Variants in NCALD observed in about 807,000 individuals in gnomAD.
The protein encoded by NCALD is neurocalcin-delta.
A neutral mutation model predicts 18.6 loss-of-function variants in NCALD; 10 were observed. The ratio of observed to expected loss-of-function variants is 0.54; its 90% CI spans 0.33 to 0.91. NCALD has a LOEUF of 0.91. Ranked by LOEUF, NCALD falls within the 40% of genes least tolerant of loss-of-function variation. The pLI is 0.03. For missense variants in NCALD, 184 were observed against 247.6 expected, an observed-to-expected ratio of 0.74 and a Z score of 1.72; for synonymous variants, 88 against 87.4, an observed-to-expected ratio of 1.01 and a Z score of -0.04.
At chr8:102,041,544 C>A (rs1429412424) in intron 1 of NCALD, among the ~76,000 whole-genome samples, 7 of 152,206 alleles carry the variant, frequency 4.6e-5, no homozygotes. Flanking sequence ...CCCAACACAA[C>A]CCCCACAGTG....
intron 1 of NCALD, among the ~76,000 whole-genome samples, chr8:101,768,202 A>G (rs1811429111): frequency 6.6e-6 from 1 of 152,206 alleles, no homozygotes; most frequent in Non-Finnish European, 1.5e-5. Context: ...TTACATTTGC[A>G]AGACTCTGGT....
chr8:101,815,997 AG>A (rs1813480871), intron 4 of NCALD, among the ~76,000 whole-genome samples: 1 of 152,182 alleles, frequency 6.6e-6, no homozygotes, highest in Admixed American at 6.6e-5. Context: ...AAAGACAGGG[AG>A]GGTCCTTAAA....
chr8:101,719,698 GC>G, intron 1 of NCALD, 50 bp from the exon 2 acceptor site: 1 of 1,455,886 alleles, frequency 6.9e-7, no homozygotes, highest in South Asian at 1.4e-5. Context: ...GCTCTTTAGG[GC>G]TGCATTTTAT....
chr8:102,104,868 G>T (rs1177420521), intron 1 of NCALD, among the ~76,000 whole-genome samples: 2 of 152,176 alleles, frequency 1.3e-5, no homozygotes, highest in African/African-American at 4.8e-5. Context: ...TGCCATGTTT[G>T]GTTGAACAAT....
chr8:101,878,656 A>G (rs749192565), intron 4 of NCALD, among the ~76,000 whole-genome samples: 19 of 152,386 alleles, frequency 1.2e-4, no homozygotes, highest in Middle Eastern at 3.4e-3. Context: ...TACCAGCACC[A>G]AGAAGCTAAC....
chr8:102,102,469 A>G (rs1825316914), intron 1 of NCALD, among the ~76,000 whole-genome samples: 1 of 152,210 alleles, frequency 6.6e-6, no homozygotes. Context: ...TGGCAGGGAC[A>G]CCAGAGGACA....
chr8:101,868,230 T>C (rs1815855660), intron 4 of NCALD, among the ~76,000 whole-genome samples: 1 of 152,038 alleles, frequency 6.6e-6, no homozygotes. Flanking sequence ...CACTTTTGCC[T>C]TTTTTTGTGT....
At chr8:101,800,377 C>CA (rs869042463) in intron 4 of NCALD, among the ~76,000 whole-genome samples, 4 of 140,044 alleles carry the variant, frequency 2.9e-5, no homozygotes, top group Non-Finnish European at 6.5e-5. Flanking sequence ...AACAAACAAA[C>CA]AAAAAAACTA....
chr8:102,018,149 C>T (rs1473869236), intron 2 of NCALD, among the ~76,000 whole-genome samples: 1 of 152,154 alleles, frequency 6.6e-6, no homozygotes, highest in Non-Finnish European at 1.5e-5. Context: ...TAAAATGGCA[C>T]AGTCATTTTG....
At chr8:101,796,957 C>G (rs555390844) in intron 4 of NCALD, among the ~76,000 whole-genome samples, 5 of 152,168 alleles carry the variant, frequency 3.3e-5, no homozygotes, top group African/African-American at 1.2e-4. Context: ...TATCAAAAAC[C>G]CAAAAGAATG....
Position 101,689,433 on chromosome 8 carries a change from G to A in NCALD, c.485-27C>T. 1 of 1,549,296 alleles carries A rather than the reference G, an allele frequency of 6.5e-7. No homozygotes were observed. Among genetic ancestry groups the A allele is most frequent in the Non-Finnish European group, 8.8e-7 (1 of 1,136,726 alleles). ...TAGGAAGCAAGAGGACAGGTGAGTG[G>A]TGGCTGGTGGCAGCTGCATGAGCTT... On this transcript the variant is annotated intron_variant, in intron 3 of 3. Coordinates refer to ENST00000220931, the MANE Select transcript of NCALD (RefSeq NM_032041.3). The surrounding 1 kb of genome is among the most constrained non-coding windows in gnomAD (Gnocchi z 4.4).
rs190008630 is a variant in NCALD at position 102,074,744 on chromosome 8, T to G, written c.-210+49493A>C. ...ATTATTACTGATGTGTATACAGGTT[T>G]ACATCTACTTTCTTCTATAAAGAAC... On this transcript the variant is annotated intron_variant, in intron 1 of 6. Coordinates refer to the NCALD transcript ENST00000311028. Among the ~76,000 whole-genome samples the G allele has an allele frequency of 1.6e-3, 242 of 151,546 alleles. 1 individual carries two copies. The highest frequency in any genetic ancestry group is 5.5e-3 in the African/African-American group (230 of 41,506).
At chr8:101,945,359 G>A (rs1277439422) in intron 2 of NCALD, among the ~76,000 whole-genome samples, 1 of 151,982 alleles carries the variant, frequency 6.6e-6, no homozygotes, top group African/African-American at 2.4e-5. Flanking sequence ...AGGAGAGGAA[G>A]GGGCTAAAAT....
chr8:101,986,793 C>T (rs1283562207), intron 2 of NCALD, among the ~76,000 whole-genome samples: 1 of 152,188 alleles, frequency 6.6e-6, no homozygotes, highest in Non-Finnish European at 1.5e-5. Context: ...AAATGGCTAA[C>T]AAGGATTCTT....
At chr8:101,788,243 T>C (rs1451193364) in intron 1 of NCALD, among the ~76,000 whole-genome samples, 1 of 152,160 alleles carries the variant, frequency 6.6e-6, no homozygotes, top group African/African-American at 2.4e-5. Context: ...AACGTACATA[T>C]CAATTGACTC....
chr8:102,113,130 G>T (rs1353093592), intron 1 of NCALD, among the ~76,000 whole-genome samples: 2 of 152,162 alleles, frequency 1.3e-5, no homozygotes, highest in Non-Finnish European at 2.9e-5. Context: ...AAAAGGAAAG[G>T]TATAGACAGA....
At chr8:101,815,313 T>G (rs7838696) in intron 4 of NCALD, among the ~76,000 whole-genome samples, 106,546 of 151,920 alleles carry the variant, frequency 0.7, 38,159 homozygotes, top group Non-Finnish European at 0.77. Context: ...TAGACCCACA[T>G]AAATACAGTC....
At chr8:101,860,541 T>C (rs1462146920) in intron 4 of NCALD, among the ~76,000 whole-genome samples, 3 of 152,170 alleles carry the variant, frequency 2.0e-5, no homozygotes, top group African/African-American at 7.2e-5. Context: ...GCTGTAGCCA[T>C]TGGCAATTAA....
intron 4 of NCALD, among the ~76,000 whole-genome samples, chr8:101,807,254 C>T (rs1813138281): frequency 6.6e-6 from 1 of 152,052 alleles, no homozygotes; most frequent in South Asian, 2.1e-4. Flanking sequence ...ATGCATATTT[C>T]TTCTTCTTTC....
Sources: gnomAD v4.1 joint callset for allele counts (sites outside exome capture counted in the v4.1 genomes callset) on GRCh38, gnomAD v4.1.1 for gene constraint, Gnocchi (gnomAD v3.1) non-coding constraint, MANE v1.5 for transcripts, NCBI Gene and HGNC (gene_info 2026-07-23, HGNC 2026-07-21) for gene names.